Variants in HHAT observed in about 807,000 individuals in gnomAD.
The protein encoded by HHAT is hedgehog acyltransferase.
In HHAT, 47 loss-of-function variants were observed where a neutral mutation model predicts 70.8. That is an observed-to-expected ratio of 0.66 (90% confidence interval 0.53 to 0.85). The LOEUF (loss-of-function observed/expected upper bound fraction) is 0.85. HHAT is among the 40% of genes least tolerant of loss of function. HHAT has a pLI of 0.00. For synonymous variants in HHAT, 228 were observed against 247.6 expected, an observed-to-expected ratio of 0.92 and a Z score of 0.74; for missense variants, 609 against 604.8, an observed-to-expected ratio of 1.01 and a Z score of -0.07.
At chr1:210,381,278 A>T (rs1254278272) in intron 3 of HHAT, among the ~76,000 whole-genome samples, 3 of 151,884 alleles carry the variant, frequency 2.0e-5, no homozygotes, top group Non-Finnish European at 4.4e-5. Flanking sequence ...ATTTAAAAAA[A>T]TTTTTTACTT....
intron 9 of HHAT, among the ~76,000 whole-genome samples, chr1:210,520,962 G>T (rs546039667): frequency 1.3e-5 from 2 of 152,180 alleles, no homozygotes; most frequent in African/African-American, 2.4e-5. Context: ...TGCAAAGTAT[G>T]GAAATCATTC....
intron 4 of HHAT, among the ~76,000 whole-genome samples, chr1:210,394,989 A>G (rs1327278851): frequency 6.6e-6 from 1 of 150,620 alleles, no homozygotes; most frequent in Admixed American, 6.7e-5. Flanking sequence ...GGGAGATTAT[A>G]TATACATATG....
chr1:210,397,125 C>T (rs1558432647), intron 4 of HHAT, among the ~76,000 whole-genome samples: 1 of 152,072 alleles, frequency 6.6e-6, no homozygotes, highest in Non-Finnish European at 1.5e-5. Flanking sequence ...AAAAAATGTG[C>T]CATAGGAAGA....
intron 10 of HHAT, among the ~76,000 whole-genome samples, chr1:210,592,847 AT>A (rs1193163313): frequency 1.3e-5 from 2 of 149,760 alleles, no homozygotes; most frequent in African/African-American, 4.9e-5. Context: ...AGGCTTGTCA[AT>A]TATATGCATC....
intron 3 of HHAT, among the ~76,000 whole-genome samples, chr1:210,365,320 T>TTG (rs1558361318): frequency 7.6e-6 from 1 of 131,730 alleles, no homozygotes; most frequent in Non-Finnish European, 1.6e-5. Context: ...TTTTTTTTTT[T>TTG]TTTTTTTTTT....
intron 9 of HHAT, among the ~76,000 whole-genome samples, chr1:210,540,010 G>A (rs189086051): frequency 3.4e-4 from 52 of 152,276 alleles, no homozygotes; most frequent in African/African-American, 8.4e-4. Flanking sequence ...AAAGAAGTGC[G>A]AAGGGATTGG....
chr1:210,437,817 C>T (rs969902034), intron 7 of HHAT, among the ~76,000 whole-genome samples: 2 of 151,894 alleles, frequency 1.3e-5, no homozygotes, highest in Non-Finnish European at 2.9e-5. Flanking sequence ...ATTCCTTCCA[C>T]AATCCTAACT....
At chr1:210,536,917 A>G (rs1389247270) in intron 9 of HHAT, among the ~76,000 whole-genome samples, 1 of 152,160 alleles carries the variant, frequency 6.6e-6, no homozygotes, top group Admixed American at 6.5e-5. Context: ...ATATCACCAG[A>G]TAGTGCCAAC....
intron 11 of HHAT, among the ~76,000 whole-genome samples, chr1:210,632,327 C>T (rs1671032267): frequency 6.6e-6 from 1 of 152,250 alleles, no homozygotes; most frequent in South Asian, 2.1e-4. Flanking sequence ...AGTATGCGGA[C>T]ACACAAGAAG....
chr1:210,673,788 T>G (rs1309570026), intron 11 of HHAT, among the ~76,000 whole-genome samples: 1 of 139,176 alleles, frequency 7.2e-6, no homozygotes. Flanking sequence ...TTTATTTATT[T>G]ATTTATTTAT....
At chr1:210,574,012 G>A (rs995130642) in intron 9 of HHAT, among the ~76,000 whole-genome samples, 1 of 152,178 alleles carries the variant, frequency 6.6e-6, no homozygotes, top group Non-Finnish European at 1.5e-5. Context: ...TTAGACTCTG[G>A]TGGAGTAAGA....
chr1:210,346,259 A>G (rs1229885565), intron 1 of HHAT, among the ~76,000 whole-genome samples: 5 of 152,172 alleles, frequency 3.3e-5, no homozygotes, highest in African/African-American at 1.2e-4. Flanking sequence ...CAGTCGCCCA[A>G]TTAGGAGATC....
At chr1:210,446,561 G>A (rs1043291867) in intron 7 of HHAT, among the ~76,000 whole-genome samples, 4 of 152,166 alleles carry the variant, frequency 2.6e-5, no homozygotes, top group African/African-American at 7.2e-5. Flanking sequence ...AAAACACCAC[G>A]TGGTCCGGCA....
intron 2 of HHAT, among the ~76,000 whole-genome samples, chr1:210,362,541 G>A (rs926946920): frequency 6.6e-6 from 1 of 152,176 alleles, no homozygotes; most frequent in Admixed American, 6.5e-5. Flanking sequence ...TTCTAACAGC[G>A]TGTGCACATG....
intron 4 of HHAT, among the ~76,000 whole-genome samples, chr1:210,398,730 T>C (rs948762911): frequency 2.0e-5 from 3 of 152,330 alleles, no homozygotes; most frequent in African/African-American, 7.2e-5. Context: ...GTAGGTCATG[T>C]TGGAAAAGAA....
chr1:210,537,498 G>A (rs773713280), intron 9 of HHAT, among the ~76,000 whole-genome samples: 1 of 152,216 alleles, frequency 6.6e-6, no homozygotes, highest in Non-Finnish European at 1.5e-5. Flanking sequence ...GACAGGAAGT[G>A]GGGAACACCG....
rs1399968520 is a variant in HHAT at position 210,508,831 on chromosome 1, C to CA, written c.1008-4316dup. On this transcript the variant is annotated intron_variant, in intron 8 of 11. Transcript: ENST00000261458. ...TGCACTGTTAATTTCTCTCTATACA[C>CA]AAAAAACATGAACTTGTTTGCTTTT... Among the ~76,000 whole-genome samples the CA allele has an allele frequency of 4.6e-5, 7 of 152,322 alleles. No individual in the cohort carries two copies. In the South Asian group the frequency reaches 6.2e-4, roughly 14 times the overall value.
intron 6 of HHAT, among the ~76,000 whole-genome samples, chr1:210,415,595 T>G (rs1481457738): frequency 6.6e-6 from 1 of 152,162 alleles, no homozygotes; most frequent in Non-Finnish European, 1.5e-5. Context: ...TATGGCTGCA[T>G]AAAATATCTT....
chr1:210,393,618 C>G (rs2143441), intron 4 of HHAT, among the ~76,000 whole-genome samples: 101,323 of 152,050 alleles, frequency 0.67, 35,293 homozygotes, highest in African/African-American at 0.88. Flanking sequence ...ACTTATTTCA[C>G]CTTTCTGCAT....
Sources: gnomAD v4.1 joint callset for allele counts (sites outside exome capture counted in the v4.1 genomes callset) on GRCh38, gnomAD v4.1.1 for gene constraint, MANE v1.5 for transcripts, NCBI Gene and HGNC (gene_info 2026-07-23, HGNC 2026-07-21) for gene names.